Variants in NBEAL1 observed in about 807,000 individuals in gnomAD.
NBEAL1 encodes neurobeachin-like protein 1.
NBEAL1 carries 273 observed loss-of-function variants against 351.3 expected under a neutral mutation model. That is an observed-to-expected ratio of 0.78 (90% CI 0.70 to 0.86). The LOEUF is 0.86. Among genes scored for constraint, NBEAL1 ranks in the 40% least tolerant of loss-of-function variants. The probability of loss-of-function intolerance (pLI) is 0.00; values close to 1 mark genes in which losing one functional copy is unlikely to be tolerated. For missense variants in NBEAL1, 2,961 were observed against 3,201.3 expected, an observed-to-expected ratio of 0.92 and a Z score of 1.81; for synonymous variants, 1,050 against 1,086.4, an observed-to-expected ratio of 0.97 and a Z score of 0.66.
chr2:203,152,814 T>C (rs2063693126), intron 35 of NBEAL1, among the ~76,000 whole-genome samples: 1 of 151,288 alleles, frequency 6.6e-6, no homozygotes, highest in East Asian at 2.0e-4. Context: ...CGGCAGCAGA[T>C]CACCTGAGGT....
At chr2:203,083,620 A>G in intron 9 of NBEAL1, 95 bp downstream of exon 9, 4 of 980,192 alleles carry the variant, frequency 4.1e-6, no homozygotes, top group Non-Finnish European at 5.9e-6. Flanking sequence ...TATGGAAAGT[A>G]TTGATTGTTT....
At chr2:203,089,065 A>G (rs1393867978) in intron 10 of NBEAL1, among the ~76,000 whole-genome samples, 1 of 152,098 alleles carries the variant, frequency 6.6e-6, no homozygotes, top group Non-Finnish European at 1.5e-5. Context: ...GTGGTTCAAG[A>G]TCCTCACTTT....
chr2:203,069,735 A>G (rs148267702), intron 7 of NBEAL1, among the ~76,000 whole-genome samples: 5 of 152,332 alleles, frequency 3.3e-5, no homozygotes, highest in Non-Finnish European at 7.4e-5. Flanking sequence ...AGCTCACTAT[A>G]TAACCTGCAA....
rs200597912 is a variant in NBEAL1 at position 203,084,448 on chromosome 2, T to G, written c.992-15T>G. ...TTTCATTTTTACATGGATGATTTTC[T>G]TTTTATTTTCCTAGATACCATCACA... is the stretch of plus-strand genomic sequence containing the variant. On this transcript the variant is annotated splice_polypyrimidine_tract_variant and intron_variant, in intron 9 of 55. Coordinates refer to ENST00000683969, the MANE Select transcript of NBEAL1 (RefSeq NM_001378026.1). 66 of 1,345,828 alleles carry G rather than the reference T, an allele frequency of 4.9e-5. No individual in the cohort carries two copies. Among genetic ancestry groups the G allele is most frequent in the Non-Finnish European group, 5.6e-5 (57 of 1,011,292 alleles). 83.4% of individuals were successfully genotyped at this position (1,345,828 alleles called of 1,614,324 possible).
At chr2:203,149,605 A>G (rs2063599057) in intron 34 of NBEAL1, among the ~76,000 whole-genome samples, 1 of 152,170 alleles carries the variant, frequency 6.6e-6, no homozygotes, top group Non-Finnish European at 1.5e-5. Flanking sequence ...ACCATTTTAA[A>G]ATGTACAGTT....
At chr2:203,110,674 A>AAAAT (rs67437997) in intron 15 of NBEAL1, among the ~76,000 whole-genome samples, 55,614 of 130,530 alleles carry the variant, frequency 0.43, 13,485 homozygotes, top group South Asian at 0.61. Flanking sequence ...ATCCTGTCTC[A>AAAAT]AAATAAATAA....
At chr2:203,191,319 G>GGTGAA (rs2065079726) in intron 46 of NBEAL1, 21 of 392,214 alleles carry the variant, frequency 5.4e-5, no homozygotes, top group Non-Finnish European at 7.8e-5. Context: ...TTTGACAACT[G>GGTGAA]AAAAAAAAAA....
chr2:203,142,110 A>G (rs892325012), intron 31 of NBEAL1, among the ~76,000 whole-genome samples: 1 of 152,148 alleles, frequency 6.6e-6, no homozygotes, highest in African/African-American at 2.4e-5. Flanking sequence ...TATGTAGGGC[A>G]TCACCCATAG....
At chr2:203,180,357 C>T (rs2064669149) in intron 42 of NBEAL1, 25 bp from the exon 43 acceptor site, 3 of 1,585,852 alleles carry the variant, frequency 1.9e-6, no homozygotes, top group Admixed American at 1.9e-5. Flanking sequence ...TCAATATTTA[C>T]TTCTCTTTTA....
intron 17 of NBEAL1, 146 bp downstream of exon 17, chr2:203,113,464 T>A: frequency 1.9e-6 from 1 of 539,966 alleles, no homozygotes; most frequent in Non-Finnish European, 2.8e-6. Context: ...TAATTGAAGC[T>A]GAAAGGGAAG....
chr2:203,129,483 T>C (rs1292919729), intron 24 of NBEAL1, among the ~76,000 whole-genome samples: 1 of 152,228 alleles, frequency 6.6e-6, no homozygotes, highest in Non-Finnish European at 1.5e-5. Flanking sequence ...CTTCTCATTA[T>C]TCCCATCTTA....
chr2:203,201,614 A>G lies in NBEAL1; in HGVS notation c.7310A>G (p.His2437Arg), dbSNP rs1198525330. Residue 2437 changes from histidine (H) to arginine (R), a missense_variant, in exon 50 of 56, where the codon CAT becomes CGT. His to Arg is a conservative substitution (Grantham distance 29, BLOSUM62 0). Transcript: ENST00000683969. ...EITSKLFVVSHDAKLLFSAGY... is the reference protein window; with the variant it reads ...EITSKLFVVSRDAKLLFSAGY... Reference sequence around the variant, plus strand: ...ACTTCTAAGCTATTTGTAGTATCACATGATGCAAAGTTGCTCTTCAGTGCT... The same window carrying G: ...ACTTCTAAGCTATTTGTAGTATCACGTGATGCAAAGTTGCTCTTCAGTGCT... 8 of 1,612,738 alleles carry G rather than the reference A, an allele frequency of 5.0e-6. No individual in the cohort carries two copies. In the South Asian group the frequency reaches 5.5e-5, roughly 11 times the overall value.
chr2:203,214,811 C>G (rs755718225), intron 55 of NBEAL1, among the ~76,000 whole-genome samples: 2 of 152,072 alleles, frequency 1.3e-5, no homozygotes, highest in Non-Finnish European at 2.9e-5. Context: ...TATTTAGTTA[C>G]AAAAAGATAT....
chr2:203,144,742 T>G lies in NBEAL1; in HGVS notation c.4991T>G (p.Phe1664Cys), dbSNP rs1326974442. 3 of 1,614,034 alleles carry G rather than the reference T, an allele frequency of 1.9e-6. No individual in the cohort carries two copies. Among genetic ancestry groups the G allele is most frequent in the Non-Finnish European group, 1.7e-6 (2 of 1,180,020 alleles). Residue 1664 changes from phenylalanine (F) to cysteine (C), a missense_variant, in exon 32 of 56, where the codon TTT (phenylalanine) becomes TGT (cysteine). Coordinates refer to ENST00000683969, the MANE Select transcript of NBEAL1 (RefSeq NM_001378026.1). ...SIKEQTEIYSFLIPLVRTLVS... is the reference protein window; with the variant it reads ...SIKEQTEIYSCLIPLVRTLVS... ...AAGGAACAGACTGAAATCTACTCAT[T>G]TCTGATTCCCCTTGTTCGTACCCTG...
At chr2:203,069,948 C>T (rs1269351457) in intron 7 of NBEAL1, among the ~76,000 whole-genome samples, 1 of 152,152 alleles carries the variant, frequency 6.6e-6, no homozygotes, top group Non-Finnish European at 1.5e-5. Context: ...GTGAGAGCCA[C>T]CATGCCCAGC....
intron 43 of NBEAL1, among the ~76,000 whole-genome samples, chr2:203,180,774 A>G (rs1400901108): frequency 2.6e-5 from 4 of 152,026 alleles, no homozygotes; most frequent in Non-Finnish European, 5.9e-5. Flanking sequence ...AAAAATGACC[A>G]TATGCTATTT....
intron 46 of NBEAL1, chr2:203,190,643 A>G: frequency 2.5e-6 from 1 of 397,992 alleles, no homozygotes; most frequent in African/African-American, 3.0e-5. Flanking sequence ...ATCTGCCCAA[A>G]AAGGCACTTG....
intron 3 of NBEAL1, among the ~76,000 whole-genome samples, chr2:203,047,189 A>G (rs576267235): frequency 6.6e-6 from 1 of 151,692 alleles, no homozygotes; most frequent in Admixed American, 6.6e-5. Flanking sequence ...GTGAGCTGAG[A>G]TTGCGCCATT....
chr2:203,058,677 T>C (rs1045321117), intron 6 of NBEAL1, among the ~76,000 whole-genome samples: 1 of 152,184 alleles, frequency 6.6e-6, no homozygotes, highest in Non-Finnish European at 1.5e-5. Context: ...CTGATGAGTA[T>C]AGAGAAAAAG....
Sources: gnomAD v4.1 joint callset for allele counts (sites outside exome capture counted in the v4.1 genomes callset) on GRCh38, gnomAD v4.1.1 for gene constraint, MANE v1.5 for transcripts, NCBI Gene and HGNC (gene_info 2026-07-23, HGNC 2026-07-21) for gene names.